The following KCNJ15 variants were observed in gnomAD, a reference collection of about 807,000 sequenced individuals.
The protein encoded by KCNJ15 is potassium inwardly rectifying channel subfamily J member 15, also known as ATP-sensitive inward rectifier potassium channel 15.
KCNJ15 carries 14 observed loss-of-function variants against 23.0 expected under a neutral mutation model. That is an observed-to-expected ratio of 0.61 (90% CI 0.40 to 0.95). The LOEUF is 0.95. KCNJ15 is among the 40% of genes least tolerant of loss of function. KCNJ15 has a pLI of 0.00. For synonymous variants in KCNJ15, 185 were observed against 183.2 expected (o/e 1.01, Z -0.08); for missense variants, 388 against 461.8 (o/e 0.84, Z 1.46).
At chr21:38,268,279 C>T (rs951895298) in intron 1 of KCNJ15, among the ~76,000 whole-genome samples, 6 of 152,038 alleles carry the variant, frequency 3.9e-5, no homozygotes, top group African/African-American at 7.2e-5. Context: ...TCAGAACAAT[C>T]GGTTGCCACT....
At chr21:38,274,731 C>T (rs902158776) in intron 1 of KCNJ15, among the ~76,000 whole-genome samples, 6 of 152,302 alleles carry the variant, frequency 3.9e-5, no homozygotes, top group Admixed American at 2.6e-4. Flanking sequence ...TTCTTGAAAT[C>T]TTGCCTTCTT....
rs1224900041 is a variant in KCNJ15 at position 38,302,725 on chromosome 21, C to T, written c.*2336C>T. 2.6e-5 allele frequency: 4 copies of T among 151,930 alleles called. No homozygotes were observed. Among genetic ancestry groups the T allele is most frequent in the Non-Finnish European group, 5.9e-5 (4 of 67,982 alleles). The allele number at this position is 151,930 out of a possible 1,614,324, so 9.4% of individuals were successfully genotyped here. On this transcript the variant is annotated 3_prime_UTR_variant, in exon 3 of 3. Transcript: ENST00000398938. Reference sequence around the variant, plus strand: ...ATCAATGCTAATTTGAATGTGATGCCAATTAAAAATCTTGTTCATTTATAT... The same window carrying T: ...ATCAATGCTAATTTGAATGTGATGCTAATTAAAAATCTTGTTCATTTATAT...
At chr21:38,264,654 C>T (rs1043939996) in intron 1 of KCNJ15, among the ~76,000 whole-genome samples, 1 of 152,224 alleles carries the variant, frequency 6.6e-6, no homozygotes, top group Non-Finnish European at 1.5e-5. Context: ...ACAGCAGAGA[C>T]CTTTTTATCT....
At chr21:38,291,025 C>CACACAT (rs1555885288) in intron 1 of KCNJ15, among the ~76,000 whole-genome samples, 4,462 of 151,028 alleles carry the variant, frequency 0.03, 159 homozygotes, top group African/African-American at 0.083. Context: ...CACACACACA[C>CACACAT]GTATATATAG....
At chr21:38,285,009 C>T (rs1249716706) in intron 1 of KCNJ15, among the ~76,000 whole-genome samples, 4 of 152,234 alleles carry the variant, frequency 2.6e-5, no homozygotes, top group Admixed American at 6.5e-5. Context: ...GCTTCATCAG[C>T]AGCATCCTGT....
intron 1 of KCNJ15, among the ~76,000 whole-genome samples, chr21:38,233,027 A>T (rs1978371598): frequency 6.6e-6 from 1 of 152,010 alleles, no homozygotes; most frequent in African/African-American, 2.4e-5. Context: ...CCCATTCTAT[A>T]CATTATTGAA....
intron 1 of KCNJ15, among the ~76,000 whole-genome samples, chr21:38,272,934 G>A (rs1354408474): frequency 1.3e-5 from 2 of 152,166 alleles, no homozygotes; most frequent in Non-Finnish European, 2.9e-5. Context: ...GTAAAATGTA[G>A]TTGGTTATGC....
intron 1 of KCNJ15, among the ~76,000 whole-genome samples, chr21:38,277,710 CA>C (rs1466212738): frequency 1.3e-5 from 2 of 152,150 alleles, no homozygotes; most frequent in Non-Finnish European, 2.9e-5. Flanking sequence ...TGGGGAAGCT[CA>C]TTTCCCACAG....
chr21:38,235,438 C>T (rs1601115914), intron 1 of KCNJ15, among the ~76,000 whole-genome samples: 2 of 152,044 alleles, frequency 1.3e-5, no homozygotes, highest in East Asian at 3.9e-4. Flanking sequence ...CCTGTAATCC[C>T]AGCTACTCAG....
chr21:38,244,336 G>A (rs1354019810), intron 1 of KCNJ15, among the ~76,000 whole-genome samples: 2 of 152,166 alleles, frequency 1.3e-5, no homozygotes, highest in African/African-American at 4.8e-5. Flanking sequence ...AGGACCAAGA[G>A]GTGGACTTTG....
At chr21:38,247,225 AATGGATTG>A (rs1979466039) in intron 1 of KCNJ15, among the ~76,000 whole-genome samples, 1 of 120,694 alleles carries the variant, frequency 8.3e-6, no homozygotes, top group Non-Finnish European at 1.7e-5. Context: ...TGGATGGATA[AATGGATTG>A]ATGGATGGAT....
chr21:38,290,981 T>A (rs944464586), intron 1 of KCNJ15, among the ~76,000 whole-genome samples: 7 of 55,964 alleles, frequency 1.3e-4, no homozygotes, highest in Non-Finnish European at 2.1e-4. Context: ...TTCTCAAATG[T>A]CATAAAAAGG....
intron 1 of KCNJ15, among the ~76,000 whole-genome samples, chr21:38,230,805 C>T (rs1222321988): frequency 6.6e-6 from 1 of 152,020 alleles, no homozygotes; most frequent in Non-Finnish European, 1.5e-5. Flanking sequence ...TATGTCAATA[C>T]CATACTGTTT....
Position 38,300,405 on chromosome 21 carries a change from C to T in KCNJ15, c.*16C>T. Reference sequence around the variant, plus strand: ...CAATGTCTGATCACAGGGGCGCCATCCAGGTTTAACCCTGCAAGCTGTTTC... The same window carrying T: ...CAATGTCTGATCACAGGGGCGCCATTCAGGTTTAACCCTGCAAGCTGTTTC... On this transcript the variant is annotated 3_prime_UTR_variant, in exon 3 of 3. Coordinates refer to ENST00000398938, the MANE Select transcript of KCNJ15 (RefSeq NM_170736.3). 1 of 1,578,326 alleles carries T rather than the reference C, an allele frequency of 6.3e-7. No individual in the cohort carries two copies.
rs1985921660 is a variant in KCNJ15, at chr21:38,303,285, G to A, written c.*2896G>A. On this transcript the variant is annotated 3_prime_UTR_variant, in exon 3 of 3. Transcript: ENST00000398938. ...GATTCACACTCAACACCCAACTAAGGAGGAGCCAAAGTAGTGGAGTATTCC... is the reference window on the plus strand; with the variant it reads ...GATTCACACTCAACACCCAACTAAGAAGGAGCCAAAGTAGTGGAGTATTCC... 1 of 151,590 alleles carries A rather than the reference G, an allele frequency of 6.6e-6. No homozygotes were observed. The highest frequency in any genetic ancestry group is 2.4e-5 in the African/African-American group (1 of 41,262). 9.4% of individuals were successfully genotyped at this position (151,590 alleles called of 1,614,324 possible).
At chr21:38,230,453 C>A (rs1054947778) in intron 1 of KCNJ15, among the ~76,000 whole-genome samples, 1 of 152,098 alleles carries the variant, frequency 6.6e-6, no homozygotes, top group African/African-American at 2.4e-5. Flanking sequence ...ATATGATTTG[C>A]AAATATTTTC....
At chr21:38,270,000 G>T (rs919975111) in intron 1 of KCNJ15, among the ~76,000 whole-genome samples, 1 of 152,004 alleles carries the variant, frequency 6.6e-6, no homozygotes, top group African/African-American at 2.4e-5. Context: ...CTGTTCAATT[G>T]CTCCTGTATG....
chr21:38,268,978 C>T (rs1981792270), intron 1 of KCNJ15: 1 of 152,138 alleles, frequency 6.6e-6, no homozygotes, highest in Non-Finnish European at 1.5e-5. Context: ...GACTGGAGTC[C>T]CCACCTATGG....
Position 38,249,849 on chromosome 21 carries a change from T to TAAGCTTA in KCNJ15, c.-398-7196_-398-7195insAGCTTAA, listed in dbSNP as rs1979705341. Among the ~76,000 whole-genome samples, 5 of 152,352 alleles carry TAAGCTTA rather than the reference T, an allele frequency of 3.3e-5. 1 individual carries two copies. The highest frequency in any genetic ancestry group is 1.2e-4 in the African/African-American group (5 of 41,594). ...CATTTGATAAGCTGAAGTGCAATGA[T>TAAGCTTA]AGAATAAGATGATCTTGGACAGCTT... On this transcript the variant is annotated intron_variant, in intron 1 of 4. Coordinates refer to the KCNJ15 transcript ENST00000547341.
Sources: allele counts gnomAD v4.1 joint callset (sites outside exome capture counted in the v4.1 genomes callset), GRCh38; gene constraint gnomAD v4.1.1; transcripts MANE v1.5; gene names NCBI Gene and HGNC (gene_info 2026-07-23, HGNC 2026-07-21).